Variants in ZNF454 observed in about 807,000 individuals in gnomAD.
ZNF454 encodes the protein zinc finger protein 454.
Under a neutral mutation model 48.2 loss-of-function variants are expected in ZNF454, and 30 were observed. That is an observed-to-expected ratio of 0.62 (90% CI 0.47 to 0.84). ZNF454 has a LOEUF of 0.84. ZNF454 is among the 40% of genes least tolerant of loss of function. ZNF454 has a pLI of 0.00. For synonymous variants in ZNF454, 204 were observed against 211.4 expected, an observed-to-expected ratio of 0.97 and a Z score of 0.30; for missense variants, 510 against 623.1, an observed-to-expected ratio of 0.82 and a Z score of 1.93.
At chr5:178,957,453 A>G (rs1759821055) in intron 4 of ZNF454, among the ~76,000 whole-genome samples, 1 of 151,802 alleles carries the variant, frequency 6.6e-6, no homozygotes, top group Non-Finnish European at 1.5e-5. Context: ...TCAGTCGCCC[A>G]GGCTGGAGTG....
the ZNF454 span, chr5:178,986,458 G>A: frequency 1.2e-6 from 2 of 1,612,840 alleles, no homozygotes; most frequent in East Asian, 2.2e-5. Context: ...CGTGGTAGTG[G>A]CCACGATGCC....
At chr5:178,947,577 G>A (rs1250510726) in intron 4 of ZNF454, among the ~76,000 whole-genome samples, 1 of 152,194 alleles carries the variant, frequency 6.6e-6, no homozygotes, top group Admixed American at 6.5e-5. Context: ...TTGGCACCTA[G>A]TAAGTGGCAC....
chr5:178,958,894 T>C (rs1354855489), intron 4 of ZNF454, among the ~76,000 whole-genome samples: 1 of 152,220 alleles, frequency 6.6e-6, no homozygotes, highest in Non-Finnish European at 1.5e-5. Context: ...TATTGGCTTA[T>C]AGGGCTGTAT....
downstream of ZNF454, among the ~76,000 whole-genome samples, chr5:178,969,097 A>G (rs1434366302): frequency 6.6e-6 from 1 of 152,098 alleles, no homozygotes; most frequent in Admixed American, 6.6e-5. Flanking sequence ...TATTGATGGT[A>G]CTAGTACTTG....
chr5:178,981,807 G>A, the ZNF454 span: 1 of 1,613,256 alleles, frequency 6.2e-7, no homozygotes, highest in South Asian at 1.1e-5. The surrounding 1 kb of genome is among the most constrained non-coding windows in gnomAD (Gnocchi z 5.1). Context: ...GGGACACCGA[G>A]GCACTCAGGC....
At chr5:178,980,253 A>C in the ZNF454 span, 1 of 154,416 alleles carries the variant, frequency 6.5e-6, no homozygotes, top group African/African-American at 2.4e-5. This position sits in a 1 kb window ranked among gnomAD's most constrained non-coding sequence, Gnocchi z 4.3. Context: ...ACAGTGGTCA[A>C]TTTAACAAAT....
chr5:178,950,672 A>C (rs554448144), intron 4 of ZNF454, among the ~76,000 whole-genome samples: 2 of 152,162 alleles, frequency 1.3e-5, no homozygotes, highest in South Asian at 4.2e-4. Flanking sequence ...GTTGAGGTTT[A>C]TTTTTGCTAC....
In ZNF454 at chr5:178,946,546, T is replaced by C; in HGVS notation, c.160+61T>C. 3 of 1,541,444 alleles carry C rather than the reference T, an allele frequency of 1.9e-6. No homozygotes were observed. The highest frequency in any genetic ancestry group is 2.6e-6 in the Non-Finnish European group (3 of 1,148,424). ...TGGGGATCTCTTTGGGACCCTTACA[T>C]TGACACCATATAGAAGAGTCGGTTG... On this transcript the variant is annotated intron_variant, in intron 3 of 4. Transcript: ENST00000519564. This position sits in a 1 kb window ranked among gnomAD's most constrained non-coding sequence, Gnocchi z 4.5.
At chr5:178,952,217 T>A (rs1053759335) in intron 4 of ZNF454, among the ~76,000 whole-genome samples, 1 of 152,176 alleles carries the variant, frequency 6.6e-6, no homozygotes, top group Non-Finnish European at 1.5e-5. Context: ...TTTTGTATTT[T>A]TAGTAGAGAC....
At chr5:178,953,144 A>T (rs147100525) in intron 4 of ZNF454, among the ~76,000 whole-genome samples, 1 of 145,696 alleles carries the variant, frequency 6.9e-6, no homozygotes, top group South Asian at 2.2e-4. Context: ...TTAGACATGT[A>T]TTGAATTCTT....
chr5:178,956,090 G>C (rs1407890342), intron 4 of ZNF454, among the ~76,000 whole-genome samples: 1 of 151,818 alleles, frequency 6.6e-6, no homozygotes, highest in Non-Finnish European at 1.5e-5. Context: ...ACTTTTTTCT[G>C]GTTTTCTAAT....
the ZNF454 span, chr5:178,979,968 C>T: frequency 1.3e-5 from 2 of 154,392 alleles, no homozygotes; most frequent in Non-Finnish European, 2.9e-5. Context: ...GGAAAGCATT[C>T]AGCAACAAAT....
At chr5:178,985,509 C>A in the ZNF454 span, 2 of 336,826 alleles carry the variant, frequency 5.9e-6, no homozygotes, top group Non-Finnish European at 1.2e-5. Flanking sequence ...CGAGACCATC[C>A]TGGCTAACAC....
intron 4 of ZNF454, among the ~76,000 whole-genome samples, chr5:178,952,941 A>G (rs1759615194): frequency 6.6e-6 from 1 of 151,256 alleles, no homozygotes; most frequent in Non-Finnish European, 1.5e-5. Context: ...ATTTATTTTT[A>G]ATTGAAGTAA....
At chr5:178,952,826 TG>T (rs1261227194) in intron 4 of ZNF454, among the ~76,000 whole-genome samples, 3 of 152,206 alleles carry the variant, frequency 2.0e-5, no homozygotes, top group Non-Finnish European at 4.4e-5. Context: ...GTGACTTTGC[TG>T]ATCCTTTCTA....
In ZNF454 at chr5:178,944,965, AT is replaced by A. The variant is rs1285566723; in HGVS notation, c.34-1392del. 6.6e-6 allele frequency among the ~76,000 whole-genome samples: 1 copy of A among 151,298 alleles called. No individual in the cohort carries two copies. ...TCTAATCAGAAGGAACAAGTTTCCTATTGTGCAGAATGACTGGTTCCATGGG... is the reference window on the plus strand; with the variant it reads ...TCTAATCAGAAGGAACAAGTTTCCTATGTGCAGAATGACTGGTTCCATGGG... On this transcript the variant is annotated intron_variant, in intron 2 of 4. Transcript: ENST00000519564. The surrounding 1 kb of genome is among the most constrained non-coding windows in gnomAD (Gnocchi z 4.1).
intron 4 of ZNF454, among the ~76,000 whole-genome samples, chr5:178,950,864 T>TC (rs1391449087): frequency 2.0e-5 from 3 of 150,664 alleles, no homozygotes; most frequent in East Asian, 1.9e-4. Flanking sequence ...TTTCTTTCTT[T>TC]TTTTTTTTTT....
At chr5:178,986,400 G>A in the ZNF454 span, 1 of 1,613,950 alleles carries the variant, frequency 6.2e-7, no homozygotes, top group South Asian at 1.1e-5. Flanking sequence ...CTCGGCCCGA[G>A]GCCCGGACGA....
At chr5:178,983,150 C>T in the ZNF454 span, 279,661 of 1,613,502 alleles carry the variant, frequency 0.17, 26,373 homozygotes, top group East Asian at 0.39. Flanking sequence ...CGGGGTCCAC[C>T]GTCCGCTGTT....
Sources: gnomAD v4.1 joint callset for allele counts (sites outside exome capture counted in the v4.1 genomes callset) on GRCh38, gnomAD v4.1.1 for gene constraint, Gnocchi (gnomAD v3.1) non-coding constraint, MANE v1.5 for transcripts, NCBI Gene and HGNC (gene_info 2026-07-23, HGNC 2026-07-21) for gene names.